ABCA13: variants seen among roughly 807,000 people sequenced by gnomAD.
ABCA13 encodes ATP-binding cassette sub-family A member 13.
Under a neutral mutation model 478.7 loss-of-function variants are expected in ABCA13, and 476 were observed. The observed-to-expected ratio is 0.99, with a 90% CI of 0.92 to 1.07. The LOEUF (loss-of-function observed/expected upper bound fraction) is 1.07. Ranked by LOEUF, ABCA13 falls within the 50% of genes least tolerant of loss-of-function variation. ABCA13 has a pLI of 0.00. For synonymous variants in ABCA13, 2,252 were observed against 2,158.9 expected, an observed-to-expected ratio of 1.04 and a Z score of -1.20; for missense variants, 6,060 against 5,910.6, an observed-to-expected ratio of 1.03 and a Z score of -0.83.
rs146007805 is a variant in ABCA13, at chr7:48,258,935, A to C, written c.2005+9584A>C. Among the ~76,000 whole-genome samples the C allele has an allele frequency of 1.6e-4, 24 of 150,050 alleles. 1 individual carries two copies. The East Asian group carries it at 4.7e-3, about 29-fold the overall frequency. On this transcript the variant is annotated intron_variant, in intron 15 of 61. Coordinates refer to ENST00000435803, the MANE Select transcript of ABCA13 (RefSeq NM_152701.5). ...TGTAGTTTTGAGCAATTTTCTTGGC[A>C]TTAGTTCCTATTTTTATTGTGCTGT...
chr7:48,469,105 G>A (rs533815683), intron 44 of ABCA13, among the ~76,000 whole-genome samples: 5 of 152,160 alleles, frequency 3.3e-5, no homozygotes, highest in South Asian at 2.1e-4. Flanking sequence ...TAATGGTTTA[G>A]TACAGAACAA....
chr7:48,508,941 G>A (rs2130884685), intron 50 of ABCA13, among the ~76,000 whole-genome samples: 1 of 152,284 alleles, frequency 6.6e-6, no homozygotes, highest in South Asian at 2.1e-4. Flanking sequence ...TGTTTTGAAA[G>A]TACAATTTAT....
At chr7:48,335,027 C>A (rs1242994496) in intron 27 of ABCA13, among the ~76,000 whole-genome samples, 1 of 152,044 alleles carries the variant, frequency 6.6e-6, no homozygotes, top group East Asian at 1.9e-4. Flanking sequence ...AAAAAATATA[C>A]CAATTTTATT....
At chr7:48,214,180 C>T (rs1786094265) in intron 3 of ABCA13, among the ~76,000 whole-genome samples, 1 of 152,134 alleles carries the variant, frequency 6.6e-6, no homozygotes, top group South Asian at 2.1e-4. Context: ...GCTGCATGGT[C>T]AATGAGCAGT....
intron 42 of ABCA13, among the ~76,000 whole-genome samples, chr7:48,449,107 T>G (rs1306822368): frequency 1.3e-5 from 2 of 152,226 alleles, no homozygotes; most frequent in East Asian, 3.8e-4. Flanking sequence ...CCTCCCAAAG[T>G]GCTGGGATTA....
chr7:48,427,675 A>T, intron 41 of ABCA13, 91 bp from the exon 42 acceptor site: 1 of 800,676 alleles, frequency 1.2e-6, no homozygotes, highest in Non-Finnish European at 2.1e-6. Context: ...ATATGTTGTC[A>T]CAACCGGATT....
chr7:48,353,946 T>C (rs1419269504), intron 31 of ABCA13, among the ~76,000 whole-genome samples: 1 of 152,158 alleles, frequency 6.6e-6, no homozygotes, highest in East Asian at 1.9e-4. Flanking sequence ...TGATGATATT[T>C]TTGGCTATGA....
At chr7:48,382,735 A>G (rs539766347) in intron 35 of ABCA13, among the ~76,000 whole-genome samples, 1 of 151,168 alleles carries the variant, frequency 6.6e-6, no homozygotes, top group Non-Finnish European at 1.5e-5. Flanking sequence ...TATGATGACA[A>G]TATCATCTTG....
chr7:48,413,739 A>G (rs1819577689), intron 41 of ABCA13, among the ~76,000 whole-genome samples: 1 of 152,204 alleles, frequency 6.6e-6, no homozygotes, highest in African/African-American at 2.4e-5. Context: ...CCTCCATCAC[A>G]AGTTTTGTCT....
intron 29 of ABCA13, among the ~76,000 whole-genome samples, chr7:48,345,705 G>A (rs1584944884): frequency 6.6e-6 from 1 of 152,180 alleles, no homozygotes; most frequent in Admixed American, 6.5e-5. Context: ...AGTAATCTAA[G>A]GTTAATTTAT....
chr7:48,521,136 A>G (rs1454624777), intron 53 of ABCA13, among the ~76,000 whole-genome samples: 1 of 152,210 alleles, frequency 6.6e-6, no homozygotes, highest in East Asian at 1.9e-4. Context: ...AAATATTGTC[A>G]GATAAAACAT....
intron 39 of ABCA13, among the ~76,000 whole-genome samples, chr7:48,408,038 T>G (rs944737236): frequency 6.6e-6 from 1 of 152,194 alleles, no homozygotes; most frequent in Admixed American, 6.5e-5. Flanking sequence ...TAAATCAAGC[T>G]AATTTACATG....
At chr7:48,282,227 G>A (rs780924264) in intron 19 of ABCA13, among the ~76,000 whole-genome samples, 6 of 152,180 alleles carry the variant, frequency 3.9e-5, no homozygotes, top group Non-Finnish European at 8.8e-5. Flanking sequence ...AGAGTCCCAC[G>A]AGCTGCTTTA....
At position 48,276,525 on chromosome 7, in the gene ABCA13, C is replaced by T; in HGVS notation, c.6859C>T (p.Leu2287=). The change falls in exon 17 of 62, where the codon CTG becomes TTG. Residue 2287 remains leucine (L), a synonymous_variant. Transcript: ENST00000435803. ...AGATTCTGAGAACAAAATATCTCTT[C>T]TGCTGAAATATTTCCACAAAGATGT... ...KEDSENKISL[L]LKYFHKDVIA... is the part of the protein sequence containing the mutation. The T allele has an allele frequency of 6.2e-7, 1 of 1,611,704 alleles. No homozygotes were observed. Among genetic ancestry groups the T allele is most frequent in the Non-Finnish European group, 8.5e-7 (1 of 1,179,496 alleles).
At chr7:48,313,346 A>G in intron 25 of ABCA13, 115 bp downstream of exon 25, 2 of 1,034,190 alleles carry the variant, frequency 1.9e-6, no homozygotes, top group South Asian at 1.7e-5. Context: ...AGCAAAATAC[A>G]GGAATGAAAG....
chr7:48,601,077 C>G (rs560638894), intron 58 of ABCA13, among the ~76,000 whole-genome samples: 2 of 152,040 alleles, frequency 1.3e-5, no homozygotes, highest in East Asian at 3.9e-4. Context: ...TCACTGACTC[C>G]TCTGCCATTT....
chr7:48,645,514 C>A lies in ABCA13; in HGVS notation c.*2C>A, dbSNP rs767421710. On this transcript the variant is annotated 3_prime_UTR_variant, in exon 62 of 62. Transcript: ENST00000435803. ...CACACACATCACTTGCCCATCTGAGCACTAAAGAAGTTTCCATAAGGAATA... is the reference window on the plus strand; with the variant it reads ...CACACACATCACTTGCCCATCTGAGAACTAAAGAAGTTTCCATAAGGAATA... 1.9e-6 allele frequency: 3 copies of A among 1,573,424 alleles called. No individual in the cohort carries two copies. The highest frequency in any genetic ancestry group is 3.7e-5 in the Admixed American group (2 of 54,350).
chr7:48,501,532 G>A (rs1206642463), intron 48 of ABCA13, among the ~76,000 whole-genome samples: 2 of 152,084 alleles, frequency 1.3e-5, no homozygotes, highest in African/African-American at 4.8e-5. Context: ...GAAAATCTGT[G>A]GCCCCTCTGA....
chr7:48,386,318 A>G (rs903164206), intron 35 of ABCA13, among the ~76,000 whole-genome samples: 1 of 152,260 alleles, frequency 6.6e-6, no homozygotes, highest in Non-Finnish European at 1.5e-5. Context: ...TGCCCAAAGC[A>G]GTTTGTAGAT....
Sources: gnomAD v4.1 joint callset for allele counts (sites outside exome capture counted in the v4.1 genomes callset) on GRCh38, gnomAD v4.1.1 for gene constraint, MANE v1.5 for transcripts, NCBI Gene and HGNC (gene_info 2026-07-23, HGNC 2026-07-21) for gene names.